Variants in PCDHGA7 observed in about 807,000 individuals in gnomAD.
PCDHGA7 encodes protocadherin gamma-A7.
PCDHGA7 carries 44 observed loss-of-function variants against 58.3 expected under a neutral mutation model. The observed-to-expected ratio is 0.75, with a 90% confidence interval of 0.59 to 0.97. The LOEUF (loss-of-function observed/expected upper bound fraction) is 0.97. Ranked by LOEUF, PCDHGA7 falls within the 50% of genes least tolerant of loss-of-function variation. PCDHGA7 has a pLI of 0.00. For synonymous variants in PCDHGA7, 516 were observed against 504.2 expected (o/e 1.02, Z -0.31); for missense variants, 1,266 against 1,188.7 (o/e 1.06, Z -0.96).
At chr5:141,415,122 C>T (rs552568826) in intron 1 of PCDHGA7, 34 of 1,613,668 alleles carry the variant, frequency 2.1e-5, no homozygotes, top group Admixed American at 6.7e-5. Flanking sequence ...TCGTAGTGGC[C>T]GTCCAGGACC....
At chr5:141,422,434 T>C in intron 1 of PCDHGA7, 5 of 1,609,566 alleles carry the variant, frequency 3.1e-6, no homozygotes, top group Non-Finnish European at 3.4e-6. Context: ...TGGAAATTAT[T>C]ACAAATTGAT....
At position 141,384,636 on chromosome 5, in the gene PCDHGA7, C is replaced by T. The variant is rs760530136; in HGVS notation, c.1737C>T (p.Pro579=). 4 of 1,614,202 alleles carry T rather than the reference C, an allele frequency of 2.5e-6. No homozygotes were observed. Among genetic ancestry groups the T allele is most frequent in the South Asian group, 1.1e-5 (1 of 91,078 alleles). Residue 579 remains proline, a synonymous_variant, in exon 1 of 4, where the codon CCC becomes CCT. Transcript: ENST00000518325. The part of the protein sequence containing the change: ...TDGSTGMELA[P]RSAEPGYLVT... ...GTTCTACTGGCATGGAGCTGGCACCCCGCTCCGCAGAGCCCGGCTACCTGG... is the reference window on the plus strand; with the variant it reads ...GTTCTACTGGCATGGAGCTGGCACCTCGCTCCGCAGAGCCCGGCTACCTGG...
Position 141,493,022 on chromosome 5 carries a change from G to T in PCDHGA7, c.2425-1785G>T, listed in dbSNP as rs1184742888. ...GCTATAGGCTCTGCCAGATGCCAGG[G>T]TGCCCTTATGTGTGAGGAAACTACA... On this transcript the variant is annotated intron_variant, in intron 1 of 3. Transcript: ENST00000518325. The surrounding 1 kb of genome is among the most constrained non-coding windows in gnomAD (Gnocchi z 4.3). Among the ~76,000 whole-genome samples the T allele has an allele frequency of 1.3e-5, 2 of 152,222 alleles. No individual in the cohort carries two copies. Among genetic ancestry groups the T allele is most frequent in the Admixed American group, 1.3e-4 (2 of 15,282 alleles).
At chr5:141,394,060 C>T (rs1437765710) in intron 1 of PCDHGA7, 1 of 1,613,662 alleles carries the variant, frequency 6.2e-7, no homozygotes, top group Non-Finnish European at 8.5e-7. Context: ...GAAAATGTCT[C>T]TATCTACAAT....
intron 2 of PCDHGA7, among the ~76,000 whole-genome samples, chr5:141,503,077 T>C (rs902429288): frequency 6.6e-6 from 1 of 151,810 alleles, no homozygotes; most frequent in African/African-American, 2.4e-5. Flanking sequence ...ATGGTCTCGA[T>C]CTCCTGACCT....
In PCDHGA7 at chr5:141,384,282, C is replaced by T. The variant is rs1230546899; in HGVS notation, c.1383C>T (p.Ile461=). 1.9e-6 allele frequency: 3 copies of T among 1,613,858 alleles called. No homozygotes were observed. The highest frequency in any genetic ancestry group is 1.3e-5 in the African/African-American group (1 of 75,046). Residue 461 remains isoleucine (I), a synonymous_variant, in exon 1 of 4, where the codon ATC becomes ATT. Transcript: ENST00000518325. ...TFPHSSYSVY[I]AENNPRGASI... ...CCCACTCATCCTACTCAGTCTACAT[C>T]GCTGAGAACAACCCCAGAGGGGCCT...
chr5:141,416,478 C>T (rs1186938693), intron 1 of PCDHGA7: 4 of 151,994 alleles, frequency 2.6e-5, no homozygotes, highest in Non-Finnish European at 4.4e-5. Context: ...TACATGTTCC[C>T]GAGAACAGGA....
chr5:141,432,271 C>T lies in PCDHGA7; in HGVS notation c.2424+46948C>T. On this transcript the variant is annotated intron_variant, in intron 1 of 3. Transcript: ENST00000518325. The surrounding 1 kb of genome is among the most constrained non-coding windows in gnomAD (Gnocchi z 6.0). ...TCCAAGGGGCAAGCCTATCGTCCTA[C>T]GTGTCCATCAACTCCGACACTGGGG... is the stretch of plus-strand genomic sequence containing the variant. The T allele has an allele frequency of 6.2e-7, 1 of 1,614,264 alleles. No individual in the cohort carries two copies. Among genetic ancestry groups the T allele is most frequent in the Non-Finnish European group, 8.5e-7 (1 of 1,180,050 alleles).
At position 141,384,686 on chromosome 5, in the gene PCDHGA7, A is replaced by G. The variant is rs1314292313; in HGVS notation, c.1787A>G (p.Lys596Arg). The change falls in exon 1 of 4, where the codon AAA (lysine) becomes AGA (arginine). Residue 596 changes from lysine to arginine, a missense_variant. Coordinates refer to ENST00000518325, the MANE Select transcript of PCDHGA7 (RefSeq NM_018920.4). Reference protein sequence around the residue: ...YLVTKVVAVDKDSGQNAWLSY... With the variant: ...YLVTKVVAVDRDSGQNAWLSY... ...GTGACCAAGGTGGTGGCGGTGGACA[A>G]AGATTCAGGCCAGAACGCCTGGCTG... 6.2e-7 allele frequency: 1 copy of G among 1,613,842 alleles called. No homozygotes were observed. The highest frequency in any genetic ancestry group is 1.3e-5 in the African/African-American group (1 of 74,870).
Position 141,486,178 on chromosome 5 carries a change from C to A in PCDHGA7, c.2425-8629C>A, listed in dbSNP as rs767840363. On this transcript the variant is annotated intron_variant, in intron 1 of 3. Transcript: ENST00000518325. This position sits in a 1 kb window ranked among gnomAD's most constrained non-coding sequence, Gnocchi z 5.0. ...CTCCAGCCATGGAGCAACATTGCAG[C>A]CTTCGAGTGGATCTGCTGGACGTAA... 1.2e-6 allele frequency: 2 copies of A among 1,614,194 alleles called. No homozygotes were observed. The highest frequency in any genetic ancestry group is 2.2e-5 in the East Asian group (1 of 44,882).
At position 141,404,686 on chromosome 5, in the gene PCDHGA7, A is replaced by G. The variant is rs1281158377; in HGVS notation, c.2424+19363A>G. On this transcript the variant is annotated intron_variant, in intron 1 of 3. Transcript: ENST00000518325. ...ATGGTTCTACTGGTGTGGAGCTGGC[A>G]CCCCGCTCTGCAGAGCCTGGCTACC... 4 of 1,613,710 alleles carry G rather than the reference A, an allele frequency of 2.5e-6. No individual in the cohort carries two copies. In the African/African-American group the frequency reaches 5.3e-5, roughly 22 times the overall value.
At chr5:141,481,894 A>G (rs1278425155) in intron 1 of PCDHGA7, among the ~76,000 whole-genome samples, 1 of 145,812 alleles carries the variant, frequency 6.9e-6, no homozygotes, top group Non-Finnish European at 1.5e-5. Flanking sequence ...AGCCTGGGTG[A>G]AAGAGCGAAA....
intron 1 of PCDHGA7, chr5:141,423,553 T>G: frequency 2.5e-6 from 4 of 1,613,548 alleles, no homozygotes; most frequent in Non-Finnish European, 3.4e-6. Flanking sequence ...CCAGCCCAAC[T>G]ATGGGGACAC....
At chr5:141,417,003 A>T (rs1444236854) in intron 1 of PCDHGA7, 1 of 150,264 alleles carries the variant, frequency 6.7e-6, no homozygotes, top group African/African-American at 2.5e-5. Flanking sequence ...CATCTCAAAT[A>T]ATTCTATTAT....
intron 1 of PCDHGA7, chr5:141,393,938 C>G (rs537803893): frequency 9.3e-6 from 15 of 1,613,818 alleles, no homozygotes; most frequent in Non-Finnish European, 1.3e-5. Context: ...ATGACCAAGA[C>G]TCTGGAAAGA....
Position 141,476,944 on chromosome 5 carries a change from C to A in PCDHGA7, c.2425-17863C>A. The A allele has an allele frequency of 1.9e-6, 3 of 1,614,188 alleles. No individual in the cohort carries two copies. The highest frequency in any genetic ancestry group is 2.5e-6 in the Non-Finnish European group (3 of 1,180,044). ...CAACGGATCTGGATGAAGGCCCCAA[C>A]GGTGAAATTATTTACTCCTTCGGCA... On this transcript the variant is annotated intron_variant, in intron 1 of 3. Transcript: ENST00000518325. This position sits in a 1 kb window ranked among gnomAD's most constrained non-coding sequence, Gnocchi z 7.6.
In PCDHGA7 at chr5:141,383,835, T is replaced by C. The variant is rs950729427; in HGVS notation, c.936T>C (p.Thr312=). 7 of 1,613,802 alleles carry C rather than the reference T, an allele frequency of 4.3e-6. No homozygotes were observed. The highest frequency in any genetic ancestry group is 1.7e-5 in the Admixed American group (1 of 60,002). ...TAGAAGGATTAGATTATGAAGAAAC[T>C]GCCTTCTATGAAATGGAGGTTCAGG... is the stretch of plus-strand genomic sequence containing the variant. ...STLEGLDYEE[T]AFYEMEVQAQ... Residue 312 remains threonine (T), a synonymous_variant, in exon 1 of 4, where the codon ACT becomes ACC. Transcript: ENST00000518325.
In PCDHGA7 at chr5:141,477,967, C is replaced by T. The variant is rs756216038; in HGVS notation, c.2425-16840C>T. Reference sequence around the variant, plus strand: ...GTCTCTTGGGATCCCCTAACCAGAGCCTTTTTGCCATAGGGCTGCACACTG... The same window carrying T: ...GTCTCTTGGGATCCCCTAACCAGAGTCTTTTTGCCATAGGGCTGCACACTG... On this transcript the variant is annotated intron_variant, in intron 1 of 3. Coordinates refer to ENST00000518325, the MANE Select transcript of PCDHGA7 (RefSeq NM_018920.4). This position sits in a 1 kb window ranked among gnomAD's most constrained non-coding sequence, Gnocchi z 4.9. The T allele has an allele frequency of 8.7e-6, 14 of 1,614,032 alleles. No individual in the cohort carries two copies. In the South Asian group the frequency reaches 1.2e-4, roughly 14 times the overall value.
intron 1 of PCDHGA7, chr5:141,441,986 C>A (rs2098288559): frequency 1.1e-5 from 3 of 269,098 alleles, no homozygotes; most frequent in South Asian, 7.5e-5. Context: ...GAATGCGCAC[C>A]GACGAGGTGC....
Sources: allele counts gnomAD v4.1 joint callset (sites outside exome capture counted in the v4.1 genomes callset), GRCh38; gene constraint gnomAD v4.1.1; non-coding constraint Gnocchi (gnomAD v3.1); transcripts MANE v1.5; gene names NCBI Gene and HGNC (gene_info 2026-07-23, HGNC 2026-07-21).